The following ROBO2 variants were observed in gnomAD, a reference collection of about 807,000 sequenced individuals.
ROBO2 encodes roundabout homolog 2.
Under a neutral mutation model 160.8 loss-of-function variants are expected in ROBO2, and 53 were observed. That is an observed-to-expected ratio of 0.33 (90% confidence interval 0.26 to 0.41). The LOEUF (loss-of-function observed/expected upper bound fraction) is 0.41. Ranked by LOEUF, ROBO2 falls within the 10% of genes least tolerant of loss-of-function variation. The probability of loss-of-function intolerance (pLI) is 1.00; values close to 1 mark genes in which losing one functional copy is unlikely to be tolerated. For missense variants in ROBO2, 1,577 were observed against 1,722.4 expected (o/e 0.92, Z 1.49); for synonymous variants, 664 against 611.7 (o/e 1.09, Z -1.26).
exon 16 of ROBO2, chr3:77,580,001 G>T: frequency 6.2e-7 from 1 of 1,613,858 alleles, no homozygotes. Flanking sequence ...TGTGGATGCA[G>T]CCATTCGGTC....
intron 2 of ROBO2, among the ~76,000 whole-genome samples, chr3:76,989,795 A>G (rs1559808173): frequency 6.6e-6 from 1 of 152,186 alleles, no homozygotes; most frequent in Admixed American, 6.6e-5. Flanking sequence ...TCAACAAGTT[A>G]TAATGACAGG....
At chr3:76,693,939 A>G (rs2092870747) in intron 2 of ROBO2, among the ~76,000 whole-genome samples, 1 of 152,184 alleles carries the variant, frequency 6.6e-6, no homozygotes, top group Non-Finnish European at 1.5e-5. Context: ...AAACATCCTC[A>G]CAGACATACT....
chr3:75,941,614 G>C (rs7650807), intron 2 of ROBO2, among the ~76,000 whole-genome samples: 152,054 of 152,290 alleles, frequency 1, 75,909 homozygotes, highest in Non-Finnish European at 1. Flanking sequence ...ACAACTGTAG[G>C]AAACTTAAAT....
At chr3:77,602,690 C>CACT (rs1559706047) in intron 20 of ROBO2, among the ~76,000 whole-genome samples, 199 bp downstream of exon 21, 2 of 149,322 alleles carry the variant, frequency 1.3e-5, no homozygotes, top group African/African-American at 4.9e-5. Flanking sequence ...CCACCACCAC[C>CACT]GCCGCCGCCA....
chr3:76,684,235 G>A (rs2107017810), intron 2 of ROBO2, among the ~76,000 whole-genome samples: 1 of 152,138 alleles, frequency 6.6e-6, no homozygotes, highest in South Asian at 2.1e-4. Flanking sequence ...CTTCTCTCTT[G>A]TTCTTTTGCT....
rs1469428792 is a variant in ROBO2 at position 75,964,868 on chromosome 3, A to G, written c.109+27266A>G. 4 of 151,690 alleles carry G rather than the reference A, an allele frequency of 2.6e-5. No homozygotes were observed. In the East Asian group the frequency reaches 7.8e-4, roughly 30 times the overall value. 9.4% of individuals were successfully genotyped at this position (151,690 alleles called of 1,614,324 possible). A position where few individuals can be genotyped will look rare whatever the true frequency, so the allele number is the denominator to read the frequency against. On this transcript the variant is annotated intron_variant, in intron 2 of 26. Coordinates refer to the ROBO2 transcript ENST00000487694. ...TATATTTTGCCACCATTTATGCATG[A>G]ATTTTTCATGACAAATATTCCTAAG... is the stretch of plus-strand genomic sequence containing the variant.
rs535855055 is a variant in ROBO2 at position 76,619,039 on chromosome 3, A to G, written c.110-478975A>G. 1.3e-5 allele frequency among the ~76,000 whole-genome samples: 2 copies of G among 151,746 alleles called. 1 individual carries two copies. The highest frequency in any genetic ancestry group is 4.2e-4 in the South Asian group (2 of 4,732). On this transcript the variant is annotated intron_variant, in intron 2 of 26. Coordinates refer to the ROBO2 transcript ENST00000487694. ...TTTAAGTTAAAAGAGAGAGTGAGAG[A>G]AAAAGGAAAGAAAAAAATAGGCCGG...
At chr3:75,978,524 T>A (rs2107425613) in intron 2 of ROBO2, among the ~76,000 whole-genome samples, 1 of 151,674 alleles carries the variant, frequency 6.6e-6, no homozygotes, top group East Asian at 1.9e-4. Context: ...AAAAATTGAT[T>A]AAATGAAGTG....
chr3:76,440,126 G>C (rs1021008886), intron 2 of ROBO2, among the ~76,000 whole-genome samples: 11 of 152,156 alleles, frequency 7.2e-5, no homozygotes, highest in Non-Finnish European at 1.6e-4. Flanking sequence ...TGAAGATGGA[G>C]AGGATGTGAA....
intron 2 of ROBO2, among the ~76,000 whole-genome samples, chr3:76,212,572 AT>A (rs1262269248): frequency 3.9e-5 from 6 of 152,050 alleles, no homozygotes; most frequent in African/African-American, 7.2e-5. Flanking sequence ...AAATGCTAGA[AT>A]AAAAAGTAGG....
At chr3:77,124,772 A>C (rs559340523) in intron 2 of ROBO2, among the ~76,000 whole-genome samples, 1 of 152,252 alleles carries the variant, frequency 6.6e-6, no homozygotes, top group East Asian at 1.9e-4. Context: ...AATTAAAAGT[A>C]ACAAATAAAG....
At chr3:76,281,526 T>G (rs1708231447) in intron 2 of ROBO2, among the ~76,000 whole-genome samples, 1 of 151,950 alleles carries the variant, frequency 6.6e-6, no homozygotes, top group African/African-American at 2.4e-5. Context: ...CTGTTGGGTT[T>G]GTTTTCCTAC....
intron 2 of ROBO2, among the ~76,000 whole-genome samples, chr3:76,830,172 C>A (rs4856054): frequency 4.6e-5 from 7 of 152,160 alleles, no homozygotes; most frequent in East Asian, 3.9e-4. Context: ...AACTGTCCCC[C>A]CCTCCATGCA....
At chr3:76,399,624 G>A (rs2077696265) in intron 2 of ROBO2, among the ~76,000 whole-genome samples, 1 of 151,684 alleles carries the variant, frequency 6.6e-6, no homozygotes, top group African/African-American at 2.4e-5. Flanking sequence ...GAAAAGAGAT[G>A]CAAAAGCCAT....
chr3:77,435,937 G>C (rs1014934920), intron 2 of ROBO2, among the ~76,000 whole-genome samples: 1 of 150,780 alleles, frequency 6.6e-6, no homozygotes, highest in Non-Finnish European at 1.5e-5. Flanking sequence ...GGTCCTGGGA[G>C]TCTCTGAAGA....
chr3:77,476,598 C>G (rs1358048995), intron 2 of ROBO2, among the ~76,000 whole-genome samples: 1 of 152,114 alleles, frequency 6.6e-6, no homozygotes, highest in Non-Finnish European at 1.5e-5. Flanking sequence ...TAAATGCAGT[C>G]CGATAGGGCT....
intron 2 of ROBO2, among the ~76,000 whole-genome samples, chr3:76,798,027 T>C (rs1381902171): frequency 6.6e-6 from 1 of 150,668 alleles, no homozygotes; most frequent in East Asian, 2.0e-4. Flanking sequence ...AAAAGTAGAA[T>C]AGTAGGAAAT....
chr3:77,498,426 A>G (rs768954165), intron 5 of ROBO2, among the ~76,000 whole-genome samples: 2 of 152,188 alleles, frequency 1.3e-5, no homozygotes, highest in Non-Finnish European at 2.9e-5. Context: ...AGAGAATAAG[A>G]GTTTCAAGAT....
chr3:76,834,062 TTTTCTTTC>T (rs71104628), intron 2 of ROBO2, among the ~76,000 whole-genome samples: 73 of 88,064 alleles, frequency 8.3e-4, no homozygotes, highest in African/African-American at 2.2e-3. Context: ...CCTTTCTTTC[TTTTCTTTC>T]TTTCTTTCTT....
Sources: gnomAD v4.1 joint callset for allele counts (sites outside exome capture counted in the v4.1 genomes callset) on GRCh38, gnomAD v4.1.1 for gene constraint, MANE v1.5 for transcripts, NCBI Gene and HGNC (gene_info 2026-07-23, HGNC 2026-07-21) for gene names.